PPP2R2C: variants seen among roughly 807,000 people sequenced by gnomAD.
PPP2R2C encodes protein phosphatase 2, regulatory subunit B, gamma.
A neutral mutation model predicts 45.3 loss-of-function variants in PPP2R2C; 10 were observed. The ratio of observed to expected loss-of-function variants is 0.22; its 90% CI spans 0.14 to 0.37. PPP2R2C has a LOEUF of 0.37. Ranked by LOEUF, PPP2R2C falls within the 10% of genes least tolerant of loss-of-function variation. PPP2R2C has a pLI of 1.00. For synonymous variants in PPP2R2C, 257 were observed against 245.4 expected (o/e 1.05, Z -0.44); for missense variants, 308 against 619.7 (o/e 0.50, Z 5.34).
At chr4:6,349,208 C>G (rs1712301192) in intron 5 of PPP2R2C, 1 of 985,328 alleles carries the variant, frequency 1.0e-6, no homozygotes, top group African/African-American at 1.7e-5. Context: ...CTCCCCGGCC[C>G]TGCATGGGGC....
chr4:6,518,922 T>TAAAAAAAAAAA (rs56002128), intron 2 of PPP2R2C, among the ~76,000 whole-genome samples: 68 of 92,858 alleles, frequency 7.3e-4, no homozygotes, highest in Non-Finnish European at 9.7e-4. Flanking sequence ...GACTCTGTCT[T>TAAAAAAAAAAA]AAAAAAAAAA....
intron 2 of PPP2R2C, among the ~76,000 whole-genome samples, chr4:6,500,925 G>A (rs1184251056): frequency 1.3e-5 from 2 of 152,176 alleles, no homozygotes; most frequent in East Asian, 1.9e-4. Flanking sequence ...CGAAGCCGTC[G>A]CACGGCACAC....
Position 6,368,635 on chromosome 4 carries a change from T to C in PPP2R2C, c.625+3888A>G, listed in dbSNP as rs953051494. ...TCTTTACAGCCAACCTGTCTGAATGTCTTGTGGCCACCCCGATCCAAAACT... is the reference window on the plus strand; with the variant it reads ...TCTTTACAGCCAACCTGTCTGAATGCCTTGTGGCCACCCCGATCCAAAACT... On this transcript the variant is annotated intron_variant, in intron 5 of 8. Coordinates refer to ENST00000382599, the MANE Select transcript of PPP2R2C (RefSeq NM_020416.4). This position sits in a 1 kb window ranked among gnomAD's most constrained non-coding sequence, Gnocchi z 4.2. Among the ~76,000 whole-genome samples, 3 of 152,198 alleles carry C rather than the reference T, an allele frequency of 2.0e-5. No individual in the cohort carries two copies. In the East Asian group the frequency reaches 5.8e-4, roughly 29 times the overall value.
At chr4:6,432,812 C>A (rs1308509493) in intron 1 of PPP2R2C, among the ~76,000 whole-genome samples, 1 of 152,142 alleles carries the variant, frequency 6.6e-6, no homozygotes, top group Non-Finnish European at 1.5e-5. Context: ...ATACAGTTGA[C>A]CCTCAAACAT....
intron 1 of PPP2R2C, among the ~76,000 whole-genome samples, chr4:6,450,015 C>T (rs1256433466): frequency 2.6e-5 from 4 of 152,242 alleles, no homozygotes; most frequent in African/African-American, 9.6e-5. Context: ...AATTCTCTTT[C>T]ATCGAGTTGC....
chr4:6,375,727 A>G, intron 4 of PPP2R2C, 92 bp downstream of exon 4: 1 of 1,127,884 alleles, frequency 8.9e-7, no homozygotes, highest in African/African-American at 1.6e-5. Flanking sequence ...TCTGCACCTG[A>G]CTCTGGCTCA....
At chr4:6,447,756 C>T (rs1720508215) in intron 1 of PPP2R2C, among the ~76,000 whole-genome samples, 1 of 152,112 alleles carries the variant, frequency 6.6e-6, no homozygotes, top group Admixed American at 6.5e-5. Context: ...CTCGTAGGAA[C>T]AGCGTGACCT....
chr4:6,545,970 G>T (rs957078339), intron 1 of PPP2R2C, among the ~76,000 whole-genome samples: 33 of 152,188 alleles, frequency 2.2e-4, no homozygotes, highest in African/African-American at 7.2e-4. Flanking sequence ...GTGGGGGGTG[G>T]GGGGGTTGCG....
At chr4:6,453,344 CAAAGAG>C in intron 1 of PPP2R2C, among the ~76,000 whole-genome samples, 1 of 152,126 alleles carries the variant, frequency 6.6e-6, no homozygotes, top group Non-Finnish European at 1.5e-5. Flanking sequence ...GACAGATCCC[CAAAGAG>C]GAAGGAGCGG....
chr4:6,440,700 G>A (rs377219871), intron 1 of PPP2R2C, among the ~76,000 whole-genome samples: 17 of 152,276 alleles, frequency 1.1e-4, no homozygotes, highest in East Asian at 1.9e-4. Flanking sequence ...TGACTGGCAC[G>A]TCTCAGAGCC....
rs1345065059 is a variant in PPP2R2C at position 6,350,735 on chromosome 4, A to G, written c.626-2725T>C. ...GGCCAGAGGCTGGTTGCTTCTGCCA[A>G]TGAATAGACAAGTGAGGCATGTCAC... On this transcript the variant is annotated intron_variant, in intron 5 of 8. Transcript: ENST00000382599. The G allele has an allele frequency of 5.1e-6, 5 of 985,230 alleles. No homozygotes were observed. The Admixed American group carries it at 1.8e-4, about 36-fold the overall frequency. 61.0% of individuals were successfully genotyped at this position (985,230 alleles called of 1,614,324 possible).
At chr4:6,513,584 C>G (rs1010718451) in intron 2 of PPP2R2C, among the ~76,000 whole-genome samples, 26 of 152,218 alleles carry the variant, frequency 1.7e-4, no homozygotes, top group African/African-American at 6.3e-4. Context: ...ATTTGTGCAG[C>G]TCCCTGATGA....
chr4:6,443,433 G>A (rs1420183568), intron 1 of PPP2R2C, among the ~76,000 whole-genome samples: 7 of 152,332 alleles, frequency 4.6e-5, no homozygotes, highest in South Asian at 2.1e-4. Flanking sequence ...CCCCAAGGCC[G>A]CAGAGGGACC....
At chr4:6,491,179 G>A (rs1386495833) in intron 2 of PPP2R2C, among the ~76,000 whole-genome samples, 2 of 152,228 alleles carry the variant, frequency 1.3e-5, no homozygotes, top group African/African-American at 4.8e-5. Context: ...AGTGCCTGGT[G>A]TGTGGCAGGA....
chr4:6,489,148 C>T (rs1031954847), intron 2 of PPP2R2C, among the ~76,000 whole-genome samples: 12 of 152,192 alleles, frequency 7.9e-5, no homozygotes, highest in South Asian at 2.1e-4. Context: ...CTCCCTGCAA[C>T]GTGGCCAGGA....
chr4:6,410,742 C>T (rs965691262), intron 1 of PPP2R2C, among the ~76,000 whole-genome samples: 2 of 152,122 alleles, frequency 1.3e-5, no homozygotes, highest in African/African-American at 4.8e-5. Context: ...CCAGGTCACC[C>T]TTTCTCAGAA....
intron 2 of PPP2R2C, among the ~76,000 whole-genome samples, chr4:6,496,058 C>A (rs34734222): frequency 0.12 from 18,742 of 152,190 alleles, 1,343 homozygotes; most frequent in Non-Finnish European, 0.17. Context: ...CTCCCTAACC[C>A]CCCTCTCTTT....
chr4:6,410,130 A>C (rs1718065447), intron 1 of PPP2R2C, among the ~76,000 whole-genome samples: 1 of 151,926 alleles, frequency 6.6e-6, no homozygotes, highest in Admixed American at 6.6e-5. Context: ...CCTCAGGCCC[A>C]CTCTCTTTAG....
intron 2 of PPP2R2C, among the ~76,000 whole-genome samples, chr4:6,514,341 C>T (rs1227124384): frequency 6.6e-6 from 1 of 152,156 alleles, no homozygotes; most frequent in Non-Finnish European, 1.5e-5. Context: ...CGAGGTACTG[C>T]CCAGGTATTT....
Sources: allele counts gnomAD v4.1 joint callset (sites outside exome capture counted in the v4.1 genomes callset), GRCh38; gene constraint gnomAD v4.1.1; non-coding constraint Gnocchi (gnomAD v3.1); transcripts MANE v1.5; gene names NCBI Gene and HGNC (gene_info 2026-07-23, HGNC 2026-07-21).